SLIT2: variants seen among roughly 807,000 people sequenced by gnomAD.
The protein encoded by SLIT2 is slit guidance ligand 2, also known as slit homolog 2 protein.
SLIT2 carries 41 observed loss-of-function variants against 185.7 expected under a neutral mutation model. That is an observed-to-expected ratio of 0.22 (90% CI 0.17 to 0.29). The LOEUF (loss-of-function observed/expected upper bound fraction) is 0.29, where lower values mean the gene tolerates loss of function less well. SLIT2 is among the 10% of genes least tolerant of loss of function. The pLI is 1.00. For missense variants in SLIT2, 1,571 were observed against 1,909.0 expected (o/e 0.82, Z 3.30); for synonymous variants, 693 against 680.2 (o/e 1.02, Z -0.29).
chr4:20,378,255 A>G (rs927511269), intron 4 of SLIT2, among the ~76,000 whole-genome samples: 2 of 152,200 alleles, frequency 1.3e-5, no homozygotes, highest in African/African-American at 4.8e-5. Context: ...CAAGTTTCAC[A>G]TAATAGAAAA....
At chr4:20,562,773 T>G (rs1020832641) in intron 26 of SLIT2, among the ~76,000 whole-genome samples, 1 of 151,838 alleles carries the variant, frequency 6.6e-6, no homozygotes, top group African/African-American at 2.4e-5. Flanking sequence ...AATAAAAACC[T>G]TCTTTTAGTT....
chr4:20,543,004 C>T (rs1296625812), intron 21 of SLIT2, among the ~76,000 whole-genome samples: 4 of 151,974 alleles, frequency 2.6e-5, no homozygotes, highest in African/African-American at 9.7e-5. Context: ...GACTAATGGC[C>T]CATGGAATGC....
At chr4:20,523,429 A>G (rs1721013840) in intron 12 of SLIT2, among the ~76,000 whole-genome samples, 1 of 152,172 alleles carries the variant, frequency 6.6e-6, no homozygotes, top group Non-Finnish European at 1.5e-5. Flanking sequence ...GTCTTAGAGC[A>G]TTTTTATGGT....
chr4:20,410,640 G>A (rs1281969812), intron 4 of SLIT2, among the ~76,000 whole-genome samples: 1 of 151,990 alleles, frequency 6.6e-6, no homozygotes, highest in African/African-American at 2.4e-5. Context: ...CATGTGGCTA[G>A]CCTGCTCTCC....
intron 20 of SLIT2, among the ~76,000 whole-genome samples, chr4:20,541,954 T>G (rs924886058): frequency 6.6e-6 from 1 of 152,202 alleles, no homozygotes; most frequent in Non-Finnish European, 1.5e-5. Flanking sequence ...GAAATTAACT[T>G]ACAGAAGTTT....
At chr4:20,526,473 A>G (rs1721308191) in intron 15 of SLIT2, among the ~76,000 whole-genome samples, 2 of 152,186 alleles carry the variant, frequency 1.3e-5, no homozygotes, top group African/African-American at 4.8e-5. Context: ...CAGACTACCT[A>G]TAGAATAAAA....
chr4:20,262,739 C>T (rs1712612526), intron 3 of SLIT2, among the ~76,000 whole-genome samples: 2 of 151,818 alleles, frequency 1.3e-5, no homozygotes, highest in East Asian at 1.9e-4. Context: ...TGATGTTCAC[C>T]TATTCGTAAG....
rs1729997392 is a variant in SLIT2, at chr4:20,620,472, A to G, written c.*1463A>G. ...TTTTTACAAAGAAAATTAGATGTAC[A>G]TGTATAATTCAGTGTGCTTTGTCTT... On this transcript the variant is annotated 3_prime_UTR_variant, in exon 37 of 37. Transcript: ENST00000504154. The G allele has an allele frequency of 4.4e-6, 2 of 451,538 alleles. No individual in the cohort carries two copies. Among genetic ancestry groups the G allele is most frequent in the Middle Eastern group, 3.3e-4 (1 of 3,022 alleles). 28.0% of individuals were successfully genotyped at this position (451,538 alleles called of 1,614,324 possible).
intron 4 of SLIT2, among the ~76,000 whole-genome samples, chr4:20,410,153 C>T (rs1189963881): frequency 3.3e-5 from 5 of 151,746 alleles, no homozygotes; most frequent in African/African-American, 1.2e-4. Context: ...GTGCCTATGT[C>T]CCAAATGGTA....
intron 30 of SLIT2, among the ~76,000 whole-genome samples, chr4:20,594,904 A>C (rs1727850854): frequency 6.6e-6 from 1 of 152,210 alleles, no homozygotes; most frequent in Non-Finnish European, 1.5e-5. Flanking sequence ...TAATACCACG[A>C]ATATCACAGG....
At chr4:20,345,100 A>G (rs1721277217) in intron 4 of SLIT2, among the ~76,000 whole-genome samples, 1 of 152,218 alleles carries the variant, frequency 6.6e-6, no homozygotes, top group Non-Finnish European at 1.5e-5. Context: ...GAAATAATAC[A>G]AATATCTATG....
intron 12 of SLIT2, among the ~76,000 whole-genome samples, chr4:20,522,620 A>T (rs1216748603): frequency 6.6e-6 from 1 of 152,216 alleles, no homozygotes; most frequent in Non-Finnish European, 1.5e-5. Flanking sequence ...CACATCACCG[A>T]GAATGATGTT....
chr4:20,347,249 G>A (rs752016981), intron 4 of SLIT2, among the ~76,000 whole-genome samples: 6 of 152,234 alleles, frequency 3.9e-5, no homozygotes, highest in South Asian at 2.1e-4. Flanking sequence ...GTTAGGTAAA[G>A]GAGGCAGGGC....
chr4:20,292,312 C>T (rs1257885068), intron 4 of SLIT2, among the ~76,000 whole-genome samples: 1 of 152,248 alleles, frequency 6.6e-6, no homozygotes, highest in Non-Finnish European at 1.5e-5. Flanking sequence ...ATTTACTCAA[C>T]GTGTGACTAT....
chr4:20,518,218 T>TACATATAC (rs1275508222), intron 11 of SLIT2, among the ~76,000 whole-genome samples: 3 of 140,736 alleles, frequency 2.1e-5, no homozygotes, highest in Admixed American at 1.5e-4. Context: ...TTTATATATA[T>TACATATAC]ATACATATAT....
intron 34 of SLIT2, among the ~76,000 whole-genome samples, chr4:20,614,038 A>AT (rs1366182668): frequency 5.3e-5 from 8 of 152,066 alleles, no homozygotes; most frequent in Non-Finnish European, 1.0e-4. Flanking sequence ...CGCCCAGCTA[A>AT]TTTTTTATAC....
intron 18 of SLIT2, among the ~76,000 whole-genome samples, chr4:20,538,799 G>A (rs1015582094): frequency 2.1e-5 from 3 of 140,550 alleles, no homozygotes; most frequent in African/African-American, 2.5e-5. Flanking sequence ...AAAAAAAAAG[G>A]TATTTTTTCA....
intron 29 of SLIT2, among the ~76,000 whole-genome samples, chr4:20,579,975 ATTATATATATATTTAATATGTAATATATC>A (rs1726399505): frequency 7.3e-6 from 1 of 137,740 alleles, no homozygotes; most frequent in African/African-American, 2.6e-5. Context: ...AATAATATAT[ATTATATATATATTTAATATGTAATATATC>A]ATATATAATA....
intron 11 of SLIT2, among the ~76,000 whole-genome samples, chr4:20,514,470 G>A (rs562522895): frequency 3.0e-4 from 45 of 152,030 alleles, no homozygotes; most frequent in African/African-American, 9.4e-4. Flanking sequence ...GTGAAACCCC[G>A]TCTCTACTGA....
Sources: gnomAD v4.1 joint callset for allele counts (sites outside exome capture counted in the v4.1 genomes callset) on GRCh38, gnomAD v4.1.1 for gene constraint, MANE v1.5 for transcripts, NCBI Gene and HGNC (gene_info 2026-07-23, HGNC 2026-07-21) for gene names.